The following RBFOX3 variants were observed in gnomAD, a reference collection of about 807,000 sequenced individuals.
RBFOX3 encodes RNA binding protein fox-1 homolog 3.
In RBFOX3, 17 loss-of-function variants were observed where a neutral mutation model predicts 48.7. The observed-to-expected ratio is 0.35, with a 90% CI of 0.24 to 0.52. The LOEUF (loss-of-function observed/expected upper bound fraction) is 0.52, where lower values mean the gene tolerates loss of function less well. Ranked by LOEUF, RBFOX3 falls within the 20% of genes least tolerant of loss-of-function variation. The pLI, the probability that RBFOX3 is intolerant of heterozygous loss-of-function variation, is 0.94. For synonymous variants in RBFOX3, 212 were observed against 209.5 expected, an observed-to-expected ratio of 1.01 and a Z score of -0.10; for missense variants, 382 against 497.5, an observed-to-expected ratio of 0.77 and a Z score of 2.21.
At position 79,249,038 on chromosome 17, in the gene RBFOX3, C is replaced by A. The variant is rs139069436; in HGVS notation, c.-73-13233G>T. The stretch of plus-strand genomic sequence containing the variant: ...GGGATGCGGTGCGGTCTTCCGCCAG[C>A]GGGGCCAGAACCCAGAGCGAGGCTG... On this transcript the variant is annotated intron_variant, in intron 3 of 14. Transcript: ENST00000693108. The surrounding 1 kb of genome is among the most constrained non-coding windows in gnomAD (Gnocchi z 4.1). 1.1e-3 allele frequency among the ~76,000 whole-genome samples: 162 copies of A among 152,304 alleles called. No homozygotes were observed. Among genetic ancestry groups the A allele is most frequent in the Non-Finnish European group, 2.0e-3 (135 of 68,026 alleles).
At chr17:79,589,749 A>G (rs1296805475) in intron 1 of RBFOX3, among the ~76,000 whole-genome samples, 3 of 151,820 alleles carry the variant, frequency 2.0e-5, no homozygotes, top group African/African-American at 4.8e-5. Flanking sequence ...ACACAACCCA[A>G]TACCCCCATG....
chr17:79,409,214 G>A lies in RBFOX3; in HGVS notation c.-175+73240C>T, dbSNP rs115353232. Among the ~76,000 whole-genome samples the A allele has an allele frequency of 6.4e-3, 981 of 152,304 alleles. 16 individuals are homozygous for A. The highest frequency in any genetic ancestry group is 0.023 in the African/African-American group (952 of 41,560). ...CCATGGCTCTGTGGCACTCCCTTGC[G>A]TGGCCCTACCACGTTTTGTGTGTCC... On this transcript the variant is annotated intron_variant, in intron 2 of 14. Transcript: ENST00000693108.
At chr17:79,139,236 G>C (rs977222893) in intron 4 of RBFOX3, among the ~76,000 whole-genome samples, 5 of 150,980 alleles carry the variant, frequency 3.3e-5, no homozygotes, top group Admixed American at 1.3e-4. Flanking sequence ...CAAACACAGG[G>C]CCCCCCCCAC....
rs548163513 is a variant in RBFOX3 at position 79,401,853 on chromosome 17, G to A, written c.-175+80601C>T. On this transcript the variant is annotated intron_variant, in intron 2 of 14. Coordinates refer to ENST00000693108, the MANE Select transcript of RBFOX3 (RefSeq NM_001350451.2). ...ACCAGCCCCAGCCTCCCGAGGGAGCGCGGCCCTGCCTTGATCCTGGACTCT... is the reference window on the plus strand; with the variant it reads ...ACCAGCCCCAGCCTCCCGAGGGAGCACGGCCCTGCCTTGATCCTGGACTCT... 1.7e-3 allele frequency among the ~76,000 whole-genome samples: 264 copies of A among 152,330 alleles called. 5 individuals are homozygous for A. Among genetic ancestry groups the A allele is most frequent in the Non-Finnish European group, 1.9e-3 (132 of 68,028 alleles).
intron 9 of RBFOX3, among the ~76,000 whole-genome samples, chr17:79,101,279 AT>A (rs1423510042): frequency 6.6e-6 from 1 of 152,152 alleles, no homozygotes; most frequent in Non-Finnish European, 1.5e-5. Context: ...AGGCACAGCT[AT>A]CCCCCTGGAT....
chr17:79,574,670 C>G (rs1295005265), intron 1 of RBFOX3, among the ~76,000 whole-genome samples: 1 of 152,234 alleles, frequency 6.6e-6, no homozygotes, highest in Admixed American at 6.5e-5. Flanking sequence ...GTAGCCCATG[C>G]CGCTGCTCCG....
chr17:79,544,193 A>G (rs942359686), intron 1 of RBFOX3, among the ~76,000 whole-genome samples: 5 of 152,164 alleles, frequency 3.3e-5, no homozygotes, highest in African/African-American at 1.2e-4. Context: ...CTGGACTGAC[A>G]CTGGCCGGTC....
intron 1 of RBFOX3, among the ~76,000 whole-genome samples, chr17:79,501,907 T>C (rs992363599): frequency 6.6e-6 from 1 of 152,194 alleles, no homozygotes; most frequent in Admixed American, 6.5e-5. Flanking sequence ...AGAATTGATT[T>C]TGTTCTCTAA....
Position 79,111,856 on chromosome 17 carries a change from C to T in RBFOX3, c.222+3638G>A, listed in dbSNP as rs1233484755. 2.0e-5 allele frequency among the ~76,000 whole-genome samples: 3 copies of T among 152,238 alleles called. No individual in the cohort carries two copies. Among genetic ancestry groups the T allele is most frequent in the African/African-American group, 4.8e-5 (2 of 41,470 alleles). ...GTGACCCCTGCTGGGGAACACAGACCCTGGGGGTGGCTCAAGGTAGTGAGA... is the reference window on the plus strand; with the variant it reads ...GTGACCCCTGCTGGGGAACACAGACTCTGGGGGTGGCTCAAGGTAGTGAGA... On this transcript the variant is annotated intron_variant, in intron 5 of 14. Coordinates refer to ENST00000693108, the MANE Select transcript of RBFOX3 (RefSeq NM_001350451.2). This position sits in a 1 kb window ranked among gnomAD's most constrained non-coding sequence, Gnocchi z 4.2.
At chr17:79,277,854 A>G (rs1228242695) in intron 3 of RBFOX3, among the ~76,000 whole-genome samples, 1 of 152,222 alleles carries the variant, frequency 6.6e-6, no homozygotes, top group East Asian at 1.9e-4. Context: ...AGCCCCCTGC[A>G]GTCCTGCACC....
At chr17:79,133,197 T>C (rs1016967000) in intron 4 of RBFOX3, among the ~76,000 whole-genome samples, 1 of 151,998 alleles carries the variant, frequency 6.6e-6, no homozygotes, top group Non-Finnish European at 1.5e-5. Flanking sequence ...CCCGGTAAGT[T>C]ACCAAGGCAG....
At chr17:79,628,953 C>T in the RBFOX3 span, among the ~76,000 whole-genome samples, 26 of 152,334 alleles carry the variant, frequency 1.7e-4, no homozygotes, top group Non-Finnish European at 3.4e-4. Context: ...GAGCTGCCTT[C>T]GTGATCCACT....
intron 4 of RBFOX3, among the ~76,000 whole-genome samples, chr17:79,140,496 C>G (rs1323761654): frequency 6.6e-6 from 1 of 152,222 alleles, no homozygotes; most frequent in African/African-American, 2.4e-5. Context: ...CAGGCTGGCA[C>G]CGGCACCCAC....
At chr17:79,627,981 T>C in the RBFOX3 span, among the ~76,000 whole-genome samples, 1 of 139,756 alleles carries the variant, frequency 7.2e-6, no homozygotes, top group Non-Finnish European at 1.5e-5. Context: ...CTGGGCTGCC[T>C]CTCTCTGCTG....
chr17:79,591,223 C>G (rs1204615602), intron 1 of RBFOX3, among the ~76,000 whole-genome samples: 2 of 152,116 alleles, frequency 1.3e-5, no homozygotes, highest in Non-Finnish European at 2.9e-5. Context: ...GCACCCATTG[C>G]CATGTGTCCC....
At chr17:79,257,468 T>C (rs1368776085) in intron 3 of RBFOX3, among the ~76,000 whole-genome samples, 3 of 152,124 alleles carry the variant, frequency 2.0e-5, no homozygotes, top group African/African-American at 7.2e-5. Flanking sequence ...CTGTGCTGAG[T>C]GGAGGACAGA....
At chr17:79,397,028 G>A (rs1437907273) in intron 2 of RBFOX3, among the ~76,000 whole-genome samples, 1 of 152,230 alleles carries the variant, frequency 6.6e-6, no homozygotes, top group African/African-American at 2.4e-5. Context: ...CTGGCTGCAA[G>A]GACGACCTGT....
intron 2 of RBFOX3, among the ~76,000 whole-genome samples, chr17:79,309,865 G>A (rs182222298): frequency 1.5e-4 from 23 of 152,284 alleles, no homozygotes; most frequent in African/African-American, 5.3e-4. Flanking sequence ...CTTCCGCCAC[G>A]ATTGTAAGTT....
chr17:79,510,051 C>T (rs918533362), intron 1 of RBFOX3, among the ~76,000 whole-genome samples: 13 of 152,192 alleles, frequency 8.5e-5, no homozygotes, highest in Non-Finnish European at 1.5e-5. Flanking sequence ...CACAGCATTA[C>T]CTCTGGTCCT....
Sources: gnomAD v4.1 joint callset for allele counts (sites outside exome capture counted in the v4.1 genomes callset) on GRCh38, gnomAD v4.1.1 for gene constraint, Gnocchi (gnomAD v3.1) non-coding constraint, MANE v1.5 for transcripts, NCBI Gene and HGNC (gene_info 2026-07-23, HGNC 2026-07-21) for gene names.